LOC728392: variants seen among roughly 807,000 people sequenced by gnomAD.
At chr17:5,499,684 G>T in the LOC728392 span, 1 of 796,516 alleles carries the variant, frequency 1.3e-6, no homozygotes, top group Non-Finnish European at 1.5e-6. Context: ...AAATCCCTCA[G>T]CCCCTTTTGT....
the LOC728392 span, chr17:5,500,473 A>G: frequency 8.7e-7 from 1 of 1,150,846 alleles, no homozygotes; most frequent in Non-Finnish European, 1.1e-6. The surrounding 1 kb of genome is among the most constrained non-coding windows in gnomAD (Gnocchi z 5.4). Context: ...AAAGACGGAA[A>G]GAAACAAGCA....
chr17:5,500,291 C>A, the LOC728392 span: 1 of 1,000,454 alleles, frequency 1.0e-6, no homozygotes, highest in Non-Finnish European at 1.2e-6. The surrounding 1 kb of genome is among the most constrained non-coding windows in gnomAD (Gnocchi z 5.4). Flanking sequence ...GCGCGTGCCC[C>A]CACGTCACAG....
the LOC728392 span, chr17:5,500,645 GA>G: frequency 7.8e-7 from 1 of 1,276,148 alleles, no homozygotes; most frequent in Non-Finnish European, 1.0e-6. This position sits in a 1 kb window ranked among gnomAD's most constrained non-coding sequence, Gnocchi z 5.4. Context: ...AGGTGATGGA[GA>G]AGGCGATGGC....
the LOC728392 span, chr17:5,500,792 G>C: frequency 8.7e-7 from 1 of 1,155,746 alleles, no homozygotes; most frequent in South Asian, 1.7e-5. This position sits in a 1 kb window ranked among gnomAD's most constrained non-coding sequence, Gnocchi z 5.4. Flanking sequence ...GCGCCCTCCC[G>C]CCCGCGCGCC....
chr17:5,500,135 G>C, the LOC728392 span: 2 of 986,864 alleles, frequency 2.0e-6, no homozygotes, highest in Non-Finnish European at 2.4e-6. The surrounding 1 kb of genome is among the most constrained non-coding windows in gnomAD (Gnocchi z 5.4). Context: ...CAGCATCACA[G>C]GGCTCCGGCC....
the LOC728392 span, chr17:5,500,830 C>A: frequency 8.4e-7 from 1 of 1,193,986 alleles, no homozygotes. This position sits in a 1 kb window ranked among gnomAD's most constrained non-coding sequence, Gnocchi z 5.4. Flanking sequence ...GCGGCCGACG[C>A]CGACCTGGGC....
chr17:5,500,764 G>T, the LOC728392 span: 15 of 1,204,444 alleles, frequency 1.2e-5, no homozygotes, highest in Non-Finnish European at 1.6e-5. The surrounding 1 kb of genome is among the most constrained non-coding windows in gnomAD (Gnocchi z 5.4). Context: ...TTCGGGGGCT[G>T]CCCGGCGCGG....
the LOC728392 span, chr17:5,500,743 G>A: frequency 2.7e-5 from 34 of 1,236,884 alleles, no homozygotes; most frequent in Non-Finnish European, 3.5e-5. The surrounding 1 kb of genome is among the most constrained non-coding windows in gnomAD (Gnocchi z 5.4). Context: ...GGCGGGGGGC[G>A]CGATGCGGCC....
chr17:5,500,018 G>T, the LOC728392 span: 1 of 986,084 alleles, frequency 1.0e-6, no homozygotes, highest in Non-Finnish European at 1.2e-6. The surrounding 1 kb of genome is among the most constrained non-coding windows in gnomAD (Gnocchi z 5.4). Flanking sequence ...ACACCCCGAC[G>T]AACGCCACTT....
chr17:5,500,291 C>T, the LOC728392 span: 3 of 1,000,454 alleles, frequency 3.0e-6, no homozygotes, highest in South Asian at 8.1e-5. The surrounding 1 kb of genome is among the most constrained non-coding windows in gnomAD (Gnocchi z 5.4). Context: ...GCGCGTGCCC[C>T]CACGTCACAG....
the LOC728392 span, chr17:5,500,393 A>G: frequency 9.2e-7 from 1 of 1,088,122 alleles, no homozygotes; most frequent in Non-Finnish European, 1.1e-6. This position sits in a 1 kb window ranked among gnomAD's most constrained non-coding sequence, Gnocchi z 5.4. Flanking sequence ...TGCAGGTGCA[A>G]ACAGCACCCC....
chr17:5,500,060 C>T, the LOC728392 span: 4 of 986,150 alleles, frequency 4.1e-6, no homozygotes, highest in Non-Finnish European at 3.6e-6. This position sits in a 1 kb window ranked among gnomAD's most constrained non-coding sequence, Gnocchi z 5.4. Flanking sequence ...TCGCCTGCTG[C>T]GCGCTCTTGT....
chr17:5,499,779 G>C, the LOC728392 span: 1 of 985,894 alleles, frequency 1.0e-6, no homozygotes. Flanking sequence ...GTGGACCCCG[G>C]CTAGGGCCCC....
chr17:5,500,061 G>A, the LOC728392 span: 2 of 986,176 alleles, frequency 2.0e-6, no homozygotes, highest in Non-Finnish European at 2.4e-6. This position sits in a 1 kb window ranked among gnomAD's most constrained non-coding sequence, Gnocchi z 5.4. Flanking sequence ...CGCCTGCTGC[G>A]CGCTCTTGTC....
At chr17:5,500,282 C>A in the LOC728392 span, 2,941 of 999,808 alleles carry the variant, frequency 2.9e-3, 77 homozygotes, top group African/African-American at 0.046. This position sits in a 1 kb window ranked among gnomAD's most constrained non-coding sequence, Gnocchi z 5.4. Flanking sequence ...GGGATCCCTG[C>A]GCGTGCCCCC....
At chr17:5,500,730 T>C in the LOC728392 span, 8 of 1,241,304 alleles carry the variant, frequency 6.4e-6, no homozygotes, top group East Asian at 3.8e-4. This position sits in a 1 kb window ranked among gnomAD's most constrained non-coding sequence, Gnocchi z 5.4. Flanking sequence ...CGCCTCCTTC[T>C]TGGGCGGGGG....
At chr17:5,499,806 G>A in the LOC728392 span, 1 of 985,960 alleles carries the variant, frequency 1.0e-6, no homozygotes, top group Non-Finnish European at 1.2e-6. Flanking sequence ...CTCATCCTCA[G>A]GAGTGCGCCA....
chr17:5,500,772 C>A, the LOC728392 span: 16 of 1,201,272 alleles, frequency 1.3e-5, no homozygotes, highest in Non-Finnish European at 1.7e-5. This position sits in a 1 kb window ranked among gnomAD's most constrained non-coding sequence, Gnocchi z 5.4. Flanking sequence ...CTGCCCGGCG[C>A]GGCCCCCCTG....
the LOC728392 span, chr17:5,501,002 G>T: frequency 8.5e-7 from 1 of 1,182,304 alleles, no homozygotes; most frequent in Non-Finnish European, 1.1e-6. Flanking sequence ...GGGTCAGAGC[G>T]CAGTGGGCGG....
Sources: allele counts gnomAD v4.1 joint callset, GRCh38; gene constraint gnomAD v4.1.1; non-coding constraint Gnocchi (gnomAD v3.1); transcripts MANE v1.5.